KIF15: variants seen among roughly 807,000 people sequenced by gnomAD.
KIF15 encodes the protein kinesin-like protein KIF15.
A neutral mutation model predicts 190.6 loss-of-function variants in KIF15; 140 were observed. The observed-to-expected ratio is 0.73, with a 90% CI of 0.64 to 0.84. The LOEUF (loss-of-function observed/expected upper bound fraction) is 0.84. Ranked by LOEUF, KIF15 falls within the 40% of genes least tolerant of loss-of-function variation. The pLI, the probability that KIF15 is intolerant of heterozygous loss-of-function variation, is 0.00. For synonymous variants in KIF15, 528 were observed against 551.3 expected (o/e 0.96, Z 0.59); for missense variants, 1,372 against 1,584.4 (o/e 0.87, Z 2.28).
rs771120834 is a variant in KIF15 at position 44,794,217 on chromosome 3, GTGT to G, written c.644_646del (p.Leu215del). 1 of 1,612,088 alleles carries G rather than the reference GTGT, an allele frequency of 6.2e-7. No homozygotes were observed. Among genetic ancestry groups the G allele is most frequent in the South Asian group, 1.1e-5 (1 of 90,734 alleles). On this transcript the variant is annotated inframe_deletion and splice_region_variant, in exon 8 of 35. Transcript: ENST00000326047. ...TTTAATATGTTTTCCTTTTGCATAG[GTGT>G]TGTCTGGAGGATGGAGGAATAGACG...
chr3:44,832,846 C>G (rs1698134842), intron 26 of KIF15, among the ~76,000 whole-genome samples: 1 of 151,776 alleles, frequency 6.6e-6, no homozygotes, highest in South Asian at 2.1e-4. Context: ...AAAACCCCAT[C>G]CCTACTAAAA....
In KIF15 at chr3:44,826,103, G is replaced by A; in HGVS notation, c.2614G>A (p.Glu872Lys). ...ACAGGATTCCTATGACAACTTACAA[G>A]AAATAATGAAATTTGAGATTGACCA... is the stretch of plus-strand genomic sequence containing the variant. ...CLQDSYDNLQ[E>K]IMKFEIDQLS... Residue 872 changes from glutamate (E) to lysine (K), a missense_variant, in exon 21 of 35, where the codon GAA becomes AAA. Glu to Lys is a moderately conservative substitution (Grantham distance 56). Transcript: ENST00000326047. 1 of 1,586,654 alleles carries A rather than the reference G, an allele frequency of 6.3e-7. No individual in the cohort carries two copies. Among genetic ancestry groups the A allele is most frequent in the Non-Finnish European group, 8.5e-7 (1 of 1,173,354 alleles).
At chr3:44,859,583 C>T (rs758915352) in intron 6 of KIF15, among the ~76,000 whole-genome samples, 6 of 152,258 alleles carry the variant, frequency 3.9e-5, no homozygotes, top group Non-Finnish European at 8.8e-5. Context: ...TCACTTGAGC[C>T]CAGCAGGTTG....
In KIF15 at chr3:44,848,025, CAAG is replaced by C; in HGVS notation, c.3742_3744del (p.Glu1248del). The stretch of plus-strand genomic sequence containing the variant: ...AGATAATCAACAGCTGAAGAATGAA[CAAG>C]AAGAAAGTATCAAAGAAAGACTTGC... On this transcript the variant is annotated inframe_deletion, in exon 31 of 35. Transcript: ENST00000326047. The C allele has an allele frequency of 3.1e-6, 5 of 1,611,162 alleles. No homozygotes were observed. The highest frequency in any genetic ancestry group is 4.2e-6 in the Non-Finnish European group (5 of 1,178,324).
intron 1 of KIF15, among the ~76,000 whole-genome samples, chr3:44,768,524 A>T (rs1191292545): frequency 1.3e-5 from 2 of 150,418 alleles, no homozygotes; most frequent in Non-Finnish European, 3.0e-5. Context: ...CCATTCTCCC[A>T]GGGCGCATGT....
At position 44,815,054 on chromosome 3, in the gene KIF15, C is replaced by T. The variant is rs1346041496; in HGVS notation, c.2527C>T (p.Gln843Ter). Residue 843 changes from glutamine to a stop codon, truncating the protein, a stop_gained, in exon 20 of 35, where the codon CAG becomes TAG. Transcript: ENST00000326047. LOFTEE classifies it high-confidence loss of function. ...NKLSERHMHV[Q>*]LQLDNLRLEN... Reference sequence around the variant, plus strand: ...ACTTTCCGAAAGACACATGCATGTACAGCTTCAATTAGATAATCTCAGGTA... The same window carrying T: ...ACTTTCCGAAAGACACATGCATGTATAGCTTCAATTAGATAATCTCAGGTA... 1 of 1,602,238 alleles carries T rather than the reference C, an allele frequency of 6.2e-7. No homozygotes were observed. Among genetic ancestry groups the T allele is most frequent in the Non-Finnish European group, 8.5e-7 (1 of 1,175,644 alleles).
At chr3:44,789,347 A>G (rs959448959) in intron 7 of KIF15, among the ~76,000 whole-genome samples, 1 of 151,946 alleles carries the variant, frequency 6.6e-6, no homozygotes, top group Non-Finnish European at 1.5e-5. Flanking sequence ...TAAATTCCAA[A>G]GCGTGTGAGG....
intron 24 of KIF15, among the ~76,000 whole-genome samples, 167 bp from the exon 25 acceptor site, chr3:44,829,804 T>G (rs539608247): frequency 7.5e-4 from 109 of 144,416 alleles, no homozygotes; most frequent in South Asian, 5.3e-3. Flanking sequence ...ATATATAATA[T>G]ATGTATATAT....
At chr3:44,815,187 A>G (rs966725468) in intron 20 of KIF15, 111 bp downstream of exon 20, 3 of 960,400 alleles carry the variant, frequency 3.1e-6, no homozygotes, top group Admixed American at 6.4e-5. Context: ...AATAAAAAAG[A>G]TAATTTATTG....
In KIF15 at chr3:44,843,129, A is replaced by G; in HGVS notation, c.3590A>G (p.Gln1197Arg). 6.2e-7 allele frequency: 1 copy of G among 1,609,340 alleles called. No homozygotes were observed. The highest frequency in any genetic ancestry group is 8.5e-7 in the Non-Finnish European group (1 of 1,176,904). The change falls in exon 30 of 35, where the codon CAG becomes CGG. Residue 1197 changes from glutamine (Q) to arginine (R), a missense_variant. Coordinates refer to ENST00000326047, the MANE Select transcript of KIF15 (RefSeq NM_020242.3). Reference sequence around the variant, plus strand: ...GATACGATTTGATGTTATTAGGAGCAGTTGCGTGAAATGGAAAACCTACGC... The same window carrying G: ...GATACGATTTGATGTTATTAGGAGCGGTTGCGTGAAATGGAAAACCTACGC... ...KNAEILRMKEQLREMENLRLE... is the reference protein window; with the variant it reads ...KNAEILRMKERLREMENLRLE...
intron 13 of KIF15, among the ~76,000 whole-genome samples, chr3:44,802,263 G>A (rs72875742): frequency 0.012 from 1,774 of 152,264 alleles, 31 homozygotes; most frequent in African/African-American, 0.039. Context: ...AGGCTCTTTA[G>A]GGTTGTGCCT....
chr3:44,777,342 G>A (rs2125906170), intron 3 of KIF15, among the ~76,000 whole-genome samples: 1 of 152,106 alleles, frequency 6.6e-6, no homozygotes, highest in South Asian at 2.1e-4. Flanking sequence ...GATGTTTTTG[G>A]GCCAACATTT....
At chr3:44,833,238 A>C in intron 26 of KIF15, among the ~76,000 whole-genome samples, 1 of 152,102 alleles carries the variant, frequency 6.6e-6, no homozygotes, top group East Asian at 1.9e-4. Flanking sequence ...TTTTGGCACC[A>C]GGGACCAGTT....
At chr3:44,799,086 T>C in intron 10 of KIF15, 1 of 354,786 alleles carries the variant, frequency 2.8e-6, no homozygotes, top group Admixed American at 3.9e-5. Context: ...TTCCTGACCC[T>C]AAGTCTCTTA....
chr3:44,763,687 C>T (rs1705256347), intron 1 of KIF15, among the ~76,000 whole-genome samples: 1 of 151,404 alleles, frequency 6.6e-6, no homozygotes, highest in South Asian at 2.1e-4. Flanking sequence ...TATACGATTC[C>T]CCCCTTTTTT....
At chr3:44,778,628 G>A (rs1338241591) in intron 4 of KIF15, among the ~76,000 whole-genome samples, 1 of 152,168 alleles carries the variant, frequency 6.6e-6, no homozygotes, top group East Asian at 1.9e-4. Flanking sequence ...CCAAGGTAGA[G>A]GAGTAGTGTA....
intron 28 of KIF15, 73 bp from the exon 29 acceptor site, chr3:44,841,001 A>G: frequency 1.5e-6 from 2 of 1,348,084 alleles, no homozygotes; most frequent in South Asian, 2.5e-5. Context: ...TATGTACTTG[A>G]CATTTACGTT....
At position 44,805,106 on chromosome 3, in the gene KIF15, G is replaced by C. The variant is rs749806165; in HGVS notation, c.1767G>C (p.Leu589=). Residue 589 remains leucine, a synonymous_variant, in exon 15 of 35, where the codon CTG becomes CTC. Coordinates refer to ENST00000326047, the MANE Select transcript of KIF15 (RefSeq NM_020242.3). ...ANTEKLKAQL[L]QIQTELNNSK... ...CTGAGAAGTTAAAAGCACAACTCCTGCAAATTCAGACAGAGCTGAATAATT... is the reference window on the plus strand; with the variant it reads ...CTGAGAAGTTAAAAGCACAACTCCTCCAAATTCAGACAGAGCTGAATAATT... 84 of 1,613,708 alleles carry C rather than the reference G, an allele frequency of 5.2e-5. No homozygotes were observed. Among genetic ancestry groups the C allele is most frequent in the Non-Finnish European group, 7.0e-5 (83 of 1,179,850 alleles).
At chr3:44,820,707 T>G (rs915083240) in intron 20 of KIF15, among the ~76,000 whole-genome samples, 8 of 152,316 alleles carry the variant, frequency 5.3e-5, no homozygotes, top group African/African-American at 1.9e-4. Context: ...CAGAAGAATT[T>G]TTCTTAGTAC....
Sources: gnomAD v4.1 joint callset for allele counts (sites outside exome capture counted in the v4.1 genomes callset) on GRCh38, gnomAD v4.1.1 for gene constraint, MANE v1.5 for transcripts, NCBI Gene and HGNC (gene_info 2026-07-23, HGNC 2026-07-21) for gene names.